The following GRID2 variants were observed in gnomAD, a reference collection of about 807,000 sequenced individuals.
GRID2 encodes glutamate ionotropic receptor delta type subunit 2.
A neutral mutation model predicts 114.8 loss-of-function variants in GRID2; 33 were observed. The ratio of observed to expected loss-of-function variants is 0.29; its 90% CI spans 0.22 to 0.38. The LOEUF is 0.38. Among genes scored for constraint, GRID2 ranks in the 10% least tolerant of loss-of-function variants. The probability of loss-of-function intolerance (pLI) is 1.00; values close to 1 mark genes in which losing one functional copy is unlikely to be tolerated. For missense variants in GRID2, 1,184 were observed against 1,257.7 expected (o/e 0.94, Z 0.89); for synonymous variants, 505 against 449.9 (o/e 1.12, Z -1.55).
intron 2 of GRID2, among the ~76,000 whole-genome samples, chr4:92,707,540 GAC>G (rs1019102065): frequency 6.6e-6 from 1 of 152,126 alleles, no homozygotes; most frequent in African/African-American, 2.4e-5. Flanking sequence ...TAGTGGGAGA[GAC>G]AGAAAAATAT....
At chr4:92,940,900 G>T (rs946193542) in intron 2 of GRID2, among the ~76,000 whole-genome samples, 2 of 152,272 alleles carry the variant, frequency 1.3e-5, no homozygotes, top group Non-Finnish European at 2.9e-5. Flanking sequence ...AACCAGCCTT[G>T]CATCCCACGG....
chr4:93,583,253 G>A (rs1439838890), intron 13 of GRID2, among the ~76,000 whole-genome samples: 3 of 152,012 alleles, frequency 2.0e-5, no homozygotes, highest in Non-Finnish European at 2.9e-5. Flanking sequence ...CATGAATTTC[G>A]AGGGGGGCAC....
chr4:92,907,840 A>C (rs1252533418), intron 2 of GRID2, among the ~76,000 whole-genome samples: 1 of 152,108 alleles, frequency 6.6e-6, no homozygotes, highest in African/African-American at 2.4e-5. Context: ...CCTGACCAAC[A>C]TGGTGAATCC....
intron 2 of GRID2, among the ~76,000 whole-genome samples, chr4:92,728,577 A>G (rs1247238882): frequency 6.6e-6 from 1 of 151,960 alleles, no homozygotes; most frequent in Non-Finnish European, 1.5e-5. Flanking sequence ...CATGAAGACA[A>G]AATCCACAGT....
chr4:92,636,062 T>C (rs745862537), intron 2 of GRID2, among the ~76,000 whole-genome samples: 2 of 152,094 alleles, frequency 1.3e-5, no homozygotes, highest in Non-Finnish European at 2.9e-5. Flanking sequence ...TATCAGGTAT[T>C]ATACAAACAA....
chr4:93,490,658 G>T lies in GRID2; in HGVS notation c.1878G>T (p.Thr626=). The change falls in exon 12 of 16, where the codon ACG becomes ACT. Residue 626 remains threonine, a synonymous_variant. Transcript: ENST00000282020. ...CTACAGGCGGGGAAGTCCCGTACACGACTCTGGCTACCCGAATGATGATGG... is the reference window on the plus strand; with the variant it reads ...CTACAGGCGGGGAAGTCCCGTACACTACTCTGGCTACCCGAATGATGATGG... ...FVQQGGEVPY[T]TLATRMMMGA... The T allele has an allele frequency of 6.2e-7, 1 of 1,610,400 alleles. No homozygotes were observed. The highest frequency in any genetic ancestry group is 8.5e-7 in the Non-Finnish European group (1 of 1,177,490).
chr4:92,649,497 C>T (rs1731820007), intron 2 of GRID2, among the ~76,000 whole-genome samples: 2 of 151,746 alleles, frequency 1.3e-5, no homozygotes, highest in Non-Finnish European at 2.9e-5. Context: ...TTTACCCCAT[C>T]TACTGATTCC....
In GRID2 at chr4:92,624,542, A is replaced by G. The variant is rs558852190; in HGVS notation, c.244+34256A>G. On this transcript the variant is annotated intron_variant, in intron 2 of 15. Coordinates refer to ENST00000282020, the MANE Select transcript of GRID2 (RefSeq NM_001510.4). ...TGCTCGTATTGAATTTCTCATCAAA[A>G]TATTTTTTTCCAAATTAGTTTTGAG... Among the ~76,000 whole-genome samples the G allele has an allele frequency of 7.9e-5, 12 of 151,950 alleles. No homozygotes were observed. In the South Asian group the frequency reaches 2.5e-3, roughly 31 times the overall value.
At chr4:93,728,079 G>T (rs1435182805) in intron 14 of GRID2, among the ~76,000 whole-genome samples, 1 of 151,970 alleles carries the variant, frequency 6.6e-6, no homozygotes, top group Non-Finnish European at 1.5e-5. Flanking sequence ...TGTGATGTTA[G>T]GGTGTCAATT....
In GRID2 at chr4:92,704,703, C is replaced by CAATCTCTCTCTCTCTCTCTT. The variant is rs1306505525; in HGVS notation, c.244+114417_244+114418insAATCTCTCTCTCTCTCTCTT. Among the ~76,000 whole-genome samples, 712 of 139,620 alleles carry CAATCTCTCTCTCTCTCTCTT rather than the reference C, an allele frequency of 5.1e-3. 20 individuals are homozygous for CAATCTCTCTCTCTCTCTCTT. Among genetic ancestry groups the CAATCTCTCTCTCTCTCTCTT allele is most frequent in the African/African-American group, 0.019 (670 of 36,000 alleles). 91.6% of individuals were successfully genotyped at this position (139,620 alleles called of 152,430 possible). A position where few individuals can be genotyped will look rare whatever the true frequency, so the allele number is the denominator to read the frequency against. On this transcript the variant is annotated intron_variant, in intron 2 of 15. Transcript: ENST00000282020. ...TTTTCTCCCCAATCAATCAATCAAT[C>CAATCTCTCTCTCTCTCTCTT]TCTCTCTCTCTCTCTCTCTTTCTCT...
intron 2 of GRID2, among the ~76,000 whole-genome samples, chr4:92,833,385 A>G (rs1742247302): frequency 6.6e-6 from 1 of 152,230 alleles, no homozygotes; most frequent in Non-Finnish European, 1.5e-5. Flanking sequence ...AGGGCTGTCA[A>G]GAATGAGTAT....
intron 1 of GRID2, among the ~76,000 whole-genome samples, chr4:93,780,105 G>A (rs905866899): frequency 6.6e-6 from 1 of 152,198 alleles, no homozygotes; most frequent in Non-Finnish European, 1.5e-5. Context: ...TAGTCTATTG[G>A]GAGGTGGTAA....
intron 1 of GRID2, among the ~76,000 whole-genome samples, chr4:92,404,063 A>T (rs1730919893): frequency 6.6e-6 from 1 of 152,198 alleles, no homozygotes; most frequent in Admixed American, 6.5e-5. Context: ...CGTGACGCAG[A>T]GACATGAAGT....
chr4:93,154,551 C>G (rs1737002122), intron 4 of GRID2, among the ~76,000 whole-genome samples: 1 of 151,890 alleles, frequency 6.6e-6, no homozygotes, highest in Non-Finnish European at 1.5e-5. Context: ...ATCTACTAAG[C>G]CTAGATGAAT....
chr4:92,673,792 G>A (rs966157545), intron 2 of GRID2, among the ~76,000 whole-genome samples: 30 of 152,130 alleles, frequency 2.0e-4, no homozygotes, highest in African/African-American at 6.7e-4. Flanking sequence ...TTGGACACAG[G>A]GTGGGGAACA....
intron 13 of GRID2, among the ~76,000 whole-genome samples, chr4:93,542,274 T>A (rs1025189556): frequency 6.6e-6 from 1 of 152,130 alleles, no homozygotes; most frequent in Non-Finnish European, 1.5e-5. Flanking sequence ...GTTTATTGAG[T>A]AAAATATTTT....
At chr4:93,760,863 G>A (rs1047684109) in intron 14 of GRID2, among the ~76,000 whole-genome samples, 7 of 151,772 alleles carry the variant, frequency 4.6e-5, no homozygotes, top group African/African-American at 9.7e-5. Context: ...TGCTCATATC[G>A]CCTTGACTTC....
intron 2 of GRID2, among the ~76,000 whole-genome samples, chr4:92,749,877 GATT>G (rs1380376805): frequency 6.6e-6 from 1 of 151,618 alleles, no homozygotes; most frequent in Non-Finnish European, 1.5e-5. Context: ...TTGATTGATT[GATT>G]GAGACAATTT....
At chr4:93,792,639 A>G (rs2110359875) in intron 1 of GRID2, among the ~76,000 whole-genome samples, 1 of 152,302 alleles carries the variant, frequency 6.6e-6, no homozygotes, top group African/African-American at 2.4e-5. Flanking sequence ...GAATAAAGTG[A>G]ATGTCAGGAT....
Sources: gnomAD v4.1 joint callset for allele counts (sites outside exome capture counted in the v4.1 genomes callset) on GRCh38, gnomAD v4.1.1 for gene constraint, MANE v1.5 for transcripts, NCBI Gene and HGNC (gene_info 2026-07-23, HGNC 2026-07-21) for gene names.